INO80D: variants seen among roughly 807,000 people sequenced by gnomAD.
The protein encoded by INO80D is INO80 complex subunit D.
Under a neutral mutation model 87.6 loss-of-function variants are expected in INO80D, and 21 were observed. That is an observed-to-expected ratio of 0.24 (90% CI 0.17 to 0.35). The LOEUF is 0.35. Among genes scored for constraint, INO80D ranks in the 10% least tolerant of loss-of-function variants. The probability of loss-of-function intolerance (pLI) is 1.00; values close to 1 mark genes in which losing one functional copy is unlikely to be tolerated. For synonymous variants in INO80D, 440 were observed against 491.0 expected (o/e 0.90, Z 1.37); for missense variants, 982 against 1,280.7 (o/e 0.77, Z 3.56).
At chr2:206,039,335 T>C (rs1443891203) in intron 5 of INO80D, among the ~76,000 whole-genome samples, 1 of 151,160 alleles carries the variant, frequency 6.6e-6, no homozygotes, top group Non-Finnish European at 1.5e-5. Flanking sequence ...AGGCAGACAT[T>C]GCGGTGAGCC....
chr2:206,062,763 T>G lies in INO80D; in HGVS notation c.218+36A>C, dbSNP rs1245379082. ...AAAGAAAAAATTCCAAGCCTGTTAATGAAATCAAGGATTGATTCTCATGAT... is the reference window on the plus strand; with the variant it reads ...AAAGAAAAAATTCCAAGCCTGTTAAGGAAATCAAGGATTGATTCTCATGAT... On this transcript the variant is annotated intron_variant, in intron 3 of 10. Transcript: ENST00000403263. The surrounding 1 kb of genome is among the most constrained non-coding windows in gnomAD (Gnocchi z 4.6). The G allele has an allele frequency of 3.9e-6, 6 of 1,531,100 alleles. No homozygotes were observed. In the African/African-American group the frequency reaches 7.0e-5, roughly 18 times the overall value. The allele number at this position is 1,531,100 out of a possible 1,614,324, so 94.8% of individuals were successfully genotyped here.
At chr2:206,046,981 A>T (rs1689212631) in intron 4 of INO80D, among the ~76,000 whole-genome samples, 1 of 152,158 alleles carries the variant, frequency 6.6e-6, no homozygotes, top group African/African-American at 2.4e-5. Context: ...GGGTTTCACC[A>T]TATTGGCCAG....
chr2:206,009,711 T>C lies in INO80D; in HGVS notation c.1626A>G (p.Ala542=). ...RKPRKKTKPP[A]LTKKHKKKRR... ...TCTTCTTCTTGTGTTTTTTGGTTAG[T>C]GCAGGAGGCTTGGTTTTTTTCCTGG... is the stretch of plus-strand genomic sequence containing the variant. Residue 542 remains alanine, a synonymous_variant, in exon 9 of 11, where the codon GCA becomes GCG. Transcript: ENST00000403263. 2 of 1,614,008 alleles carry C rather than the reference T, an allele frequency of 1.2e-6. No individual in the cohort carries two copies. The highest frequency in any genetic ancestry group is 1.7e-6 in the Non-Finnish European group (2 of 1,179,890).
intron 5 of INO80D, among the ~76,000 whole-genome samples, chr2:206,031,481 T>C (rs967533550): frequency 1.3e-5 from 2 of 152,122 alleles, no homozygotes; most frequent in African/African-American, 4.8e-5. Flanking sequence ...AAACTGTTAT[T>C]TTAAAAAGAT....
At chr2:206,034,982 T>C (rs1249595723) in intron 5 of INO80D, among the ~76,000 whole-genome samples, 1 of 151,956 alleles carries the variant, frequency 6.6e-6, no homozygotes. Context: ...CCTTTTACAA[T>C]AGCTGCAAAA....
chr2:206,012,357 A>G (rs1023340735), intron 8 of INO80D, among the ~76,000 whole-genome samples: 1 of 152,106 alleles, frequency 6.6e-6, no homozygotes, highest in Admixed American at 6.5e-5. Flanking sequence ...GAGAGTGTAC[A>G]CTCAAAAGTG....
chr2:206,028,379 G>A lies in INO80D; in HGVS notation c.1074-44C>T, dbSNP rs762143492. The A allele has an allele frequency of 2.1e-6, 3 of 1,459,750 alleles. No homozygotes were observed. In the African/African-American group the frequency reaches 4.2e-5, roughly 21 times the overall value. The allele number at this position is 1,459,750 out of a possible 1,614,324, so 90.4% of individuals were successfully genotyped here. ...GAAAGGAAAAACTGATTACACATTA[G>A]GCTCATTTTAGACAGGGTAAACGAG... On this transcript the variant is annotated intron_variant, in intron 5 of 10. Transcript: ENST00000403263.
At chr2:206,069,174 C>T (rs1454675563) in intron 1 of INO80D, among the ~76,000 whole-genome samples, 1 of 152,016 alleles carries the variant, frequency 6.6e-6, no homozygotes, top group Non-Finnish European at 1.5e-5. Flanking sequence ...TCTACTTATA[C>T]ATGGATTTTT....
chr2:206,083,111 G>T (rs1231652648), intron 1 of INO80D, among the ~76,000 whole-genome samples: 1 of 152,122 alleles, frequency 6.6e-6, no homozygotes, highest in African/African-American at 2.4e-5. Context: ...ATTTCAAATG[G>T]AATGTAACTT....
rs371227235 is a variant in INO80D at position 206,004,569 on chromosome 2, T to C, written c.2883A>G (p.Glu961=). 5.0e-6 allele frequency: 8 copies of C among 1,611,002 alleles called. No homozygotes were observed. The highest frequency in any genetic ancestry group is 5.9e-6 in the Non-Finnish European group (7 of 1,178,674). The part of the protein sequence containing the change: ...TSFSGMGPSA[E]LMASTSPKQQ... ...GCTTGGGAGAGGTGGAGGCCATTAG[T>C]TCAGCAGAAGGCCCCATGCCACTGA... The change falls in exon 11 of 11, where the codon GAA becomes GAG. Residue 961 remains glutamate (E), a synonymous_variant. Coordinates refer to ENST00000403263, the MANE Select transcript of INO80D (RefSeq NM_017759.5). The surrounding 1 kb of genome is among the most constrained non-coding windows in gnomAD (Gnocchi z 4.9).
At chr2:206,017,893 A>G (rs1361666198) in intron 7 of INO80D, 80 bp from the exon 8 acceptor site, 1 of 1,270,110 alleles carries the variant, frequency 7.9e-7, no homozygotes, top group African/African-American at 1.5e-5. Flanking sequence ...TTGTTCCCTT[A>G]CATTTCATAA....
At position 206,081,363 on chromosome 2, in the gene INO80D, T is replaced by C. The variant is rs7587405; in HGVS notation, c.-124+4538A>G. On this transcript the variant is annotated intron_variant, in intron 1 of 10. Coordinates refer to ENST00000403263, the MANE Select transcript of INO80D (RefSeq NM_017759.5). Reference sequence around the variant, plus strand: ...GAAAAACAGGTCTACTCTCCAAATATAGCATAAGCCTACTATAGTATGTAT... The same window carrying C: ...GAAAAACAGGTCTACTCTCCAAATACAGCATAAGCCTACTATAGTATGTAT... Among the ~76,000 whole-genome samples, 271 of 152,322 alleles carry C rather than the reference T, an allele frequency of 1.8e-3. 1 individual carries two copies. The highest frequency in any genetic ancestry group is 6.2e-3 in the African/African-American group (258 of 41,564).
chr2:206,072,186 TCATCCTCTCTTGG>T (rs1183257094), intron 1 of INO80D, among the ~76,000 whole-genome samples: 1 of 152,108 alleles, frequency 6.6e-6, no homozygotes, highest in African/African-American at 2.4e-5. Flanking sequence ...ACAGAGGAAA[TCATCCTCTCTTGG>T]CATCCTCTCT....
intron 1 of INO80D, among the ~76,000 whole-genome samples, chr2:206,070,473 C>A (rs1483867810): frequency 6.6e-6 from 1 of 151,834 alleles, no homozygotes; most frequent in Admixed American, 6.6e-5. Context: ...GTAATCCTAG[C>A]ACTTTGGGAG....
At position 206,056,410 on chromosome 2, in the gene INO80D, G is replaced by C; in HGVS notation, c.752C>G (p.Thr251Ser). The C allele has an allele frequency of 6.2e-7, 1 of 1,613,966 alleles. No homozygotes were observed. Among genetic ancestry groups the C allele is most frequent in the Non-Finnish European group, 8.5e-7 (1 of 1,179,886 alleles). Residue 251 changes from threonine to serine, a missense_variant, in exon 4 of 11, where the codon ACT (threonine) becomes AGT (serine). Physicochemically the swap from Thr to Ser is moderately conservative, Grantham distance 58. Transcript: ENST00000403263. ...AGACAACTGCCGTGCTTGTGCTATA[G>C]TGTGTGTGGTGGGTGCCACTCCCTG... is the stretch of plus-strand genomic sequence containing the variant. ...PMQGVAPTTH[T>S]IAQARQLSHK...
At chr2:206,067,947 A>G (rs1375941237) in intron 1 of INO80D, among the ~76,000 whole-genome samples, 11 of 152,216 alleles carry the variant, frequency 7.2e-5, no homozygotes, top group Admixed American at 7.2e-4. Context: ...TGTTTCAAAA[A>G]AAAAATGCAA....
Position 206,046,649 on chromosome 2 carries a change from T to A in INO80D, c.965-37A>T, listed in dbSNP as rs374974804. 697 of 1,338,994 alleles carry A rather than the reference T, an allele frequency of 5.2e-4. 1 individual carries two copies. Among genetic ancestry groups the A allele is most frequent in the Non-Finnish European group, 6.8e-4 (640 of 938,942 alleles). 82.9% of individuals were successfully genotyped at this position (1,338,994 alleles called of 1,614,324 possible). On this transcript the variant is annotated intron_variant, in intron 4 of 10. Transcript: ENST00000403263. The stretch of plus-strand genomic sequence containing the variant: ...AGGAGATATTGCAAATTAGAAAAAG[T>A]TTACTTTTATTCAAAATTTAAACTA...
intron 6 of INO80D, among the ~76,000 whole-genome samples, chr2:206,027,630 G>C (rs950466318): frequency 6.6e-6 from 1 of 152,114 alleles, no homozygotes; most frequent in Non-Finnish European, 1.5e-5. Context: ...TTTGAGCCCA[G>C]GAGTTTGAGG....
chr2:206,009,540 A>C (rs752782014), intron 9 of INO80D, 37 bp downstream of exon 9: 2 of 1,539,854 alleles, frequency 1.3e-6, no homozygotes, highest in East Asian at 4.5e-5. Flanking sequence ...GAATCCCAAA[A>C]TGTAAAGAAA....
Sources: allele counts gnomAD v4.1 joint callset (sites outside exome capture counted in the v4.1 genomes callset), GRCh38; gene constraint gnomAD v4.1.1; non-coding constraint Gnocchi (gnomAD v3.1); transcripts MANE v1.5; gene names NCBI Gene and HGNC (gene_info 2026-07-23, HGNC 2026-07-21).